The following SDK1 variants were observed in gnomAD, a reference collection of about 807,000 sequenced individuals.
The protein encoded by SDK1 is sidekick cell adhesion molecule 1.
In SDK1, 157 loss-of-function variants were observed where a neutral mutation model predicts 245.5. The ratio of observed to expected loss-of-function variants is 0.64; its 90% CI spans 0.56 to 0.73. The LOEUF (loss-of-function observed/expected upper bound fraction) is 0.73, where lower values mean the gene tolerates loss of function less well. Among genes scored for constraint, SDK1 ranks in the 30% least tolerant of loss-of-function variants. The pLI is 0.00. For synonymous variants in SDK1, 1,647 were observed against 1,278.5 expected (o/e 1.29, Z -6.15); for missense variants, 3,583 against 3,002.3 (o/e 1.19, Z -4.52).
chr7:3,406,995 C>G (rs1321442501), intron 1 of SDK1, among the ~76,000 whole-genome samples: 2 of 152,048 alleles, frequency 1.3e-5, no homozygotes, highest in African/African-American at 4.8e-5. Context: ...GGATGAGGCA[C>G]AGAGAATTGG....
intron 13 of SDK1, among the ~76,000 whole-genome samples, chr7:3,978,628 C>A (rs1783152923): frequency 6.6e-6 from 1 of 152,110 alleles, no homozygotes; most frequent in Non-Finnish European, 1.5e-5. Flanking sequence ...CTTGACTCTA[C>A]AACAATAATG....
chr7:3,842,752 C>G (rs1048044332), intron 5 of SDK1, among the ~76,000 whole-genome samples: 1 of 152,076 alleles, frequency 6.6e-6, no homozygotes, highest in East Asian at 1.9e-4. Context: ...CTCCTTTTCT[C>G]CCTCACTTCT....
chr7:3,916,161 G>A (rs956796442), intron 5 of SDK1, among the ~76,000 whole-genome samples: 28 of 152,332 alleles, frequency 1.8e-4, no homozygotes, highest in South Asian at 4.1e-4. Context: ...GGGAAAGAGG[G>A]AGGGAGAGGA....
intron 14 of SDK1, among the ~76,000 whole-genome samples, chr7:3,995,077 T>G (rs1784601708): frequency 6.6e-6 from 1 of 152,198 alleles, no homozygotes; most frequent in Non-Finnish European, 1.5e-5. Context: ...GATTCTAGGC[T>G]TCTTAGCATG....
intron 25 of SDK1, among the ~76,000 whole-genome samples, chr7:4,115,191 G>A (rs1039833923): frequency 1.3e-5 from 2 of 152,220 alleles, no homozygotes; most frequent in Admixed American, 6.5e-5. Context: ...ATCTGAATTA[G>A]TGAGGTTCTG....
chr7:3,441,768 A>T (rs1425884803), intron 1 of SDK1, among the ~76,000 whole-genome samples: 8 of 152,202 alleles, frequency 5.3e-5, no homozygotes, highest in Admixed American at 5.2e-4. Flanking sequence ...TCTTAACAAC[A>T]TCGAGTCATT....
chr7:4,192,465 C>G (rs1783264664), intron 35 of SDK1, among the ~76,000 whole-genome samples: 1 of 152,124 alleles, frequency 6.6e-6, no homozygotes, highest in African/African-American at 2.4e-5. Flanking sequence ...TTAGTAGAGA[C>G]AGGGTTTCAC....
At chr7:3,847,639 TGC>T (rs1780313160) in intron 5 of SDK1, among the ~76,000 whole-genome samples, 1 of 152,246 alleles carries the variant, frequency 6.6e-6, no homozygotes, top group Non-Finnish European at 1.5e-5. Context: ...CAGATGTTTT[TGC>T]TACTGTTTAT....
At chr7:3,932,594 G>A (rs1780015928) in intron 5 of SDK1, among the ~76,000 whole-genome samples, 2 of 152,290 alleles carry the variant, frequency 1.3e-5, no homozygotes, top group African/African-American at 4.8e-5. Flanking sequence ...TTCCTGATTT[G>A]TTTGTACCTC....
intron 22 of SDK1, among the ~76,000 whole-genome samples, chr7:4,080,432 A>G (rs1780982841): frequency 6.6e-6 from 1 of 152,170 alleles, no homozygotes; most frequent in Non-Finnish European, 1.5e-5. Context: ...CAAAATAGTT[A>G]TTATCTGTAG....
At position 3,301,478 on chromosome 7, in the gene SDK1, C is replaced by A; in HGVS notation, c.-109C>A. On this transcript the variant is annotated 5_prime_UTR_variant, in exon 1 of 45. Transcript: ENST00000404826. ...GCGCTGGGCGGCCGCTCACCTCGGG[C>A]CGGGGGGCGCCGCGCCTCCCGCGGA... The A allele has an allele frequency of 3.9e-6, 1 of 256,922 alleles. No individual in the cohort carries two copies. The highest frequency in any genetic ancestry group is 6.0e-6 in the Non-Finnish European group (1 of 167,018). The allele number at this position is 256,922 out of a possible 1,614,324, so 15.9% of individuals were successfully genotyped here.
intron 1 of SDK1, among the ~76,000 whole-genome samples, chr7:3,429,663 C>G (rs1262135204): frequency 6.7e-6 from 1 of 150,140 alleles, no homozygotes. Context: ...GTGGCACAAT[C>G]TCAGTTTACT....
At chr7:3,683,979 C>T (rs1430518462) in intron 4 of SDK1, among the ~76,000 whole-genome samples, 2 of 152,170 alleles carry the variant, frequency 1.3e-5, no homozygotes, top group African/African-American at 4.8e-5. Flanking sequence ...ATCACCTGGC[C>T]CTCCAGCTGG....
At position 3,967,300 on chromosome 7, in the gene SDK1, A is replaced by C; in HGVS notation, c.1430-18A>C. The C allele has an allele frequency of 6.3e-7, 1 of 1,593,822 alleles. No individual in the cohort carries two copies. Among genetic ancestry groups the C allele is most frequent in the Non-Finnish European group, 8.6e-7 (1 of 1,161,592 alleles). ...TCAGGAACAAGGCCCTGATCATTTC[A>C]TTTACTCCTCTTCTCAGATATCGCT... On this transcript the variant is annotated intron_variant, in intron 9 of 44. Coordinates refer to ENST00000404826, the MANE Select transcript of SDK1 (RefSeq NM_152744.4).
chr7:3,634,196 T>C (rs924195731), intron 2 of SDK1, among the ~76,000 whole-genome samples: 3 of 152,044 alleles, frequency 2.0e-5, no homozygotes, highest in Non-Finnish European at 4.4e-5. Flanking sequence ...CAAAAGCTCA[T>C]AGGGTGGCAG....
At chr7:4,191,075 G>A (rs1378841123) in intron 35 of SDK1, among the ~76,000 whole-genome samples, 1 of 152,210 alleles carries the variant, frequency 6.6e-6, no homozygotes, top group East Asian at 1.9e-4. Context: ...CCACCCTTCA[G>A]GGGATCCCTG....
At chr7:3,793,729 C>G (rs905904474) in intron 4 of SDK1, among the ~76,000 whole-genome samples, 3 of 151,964 alleles carry the variant, frequency 2.0e-5, no homozygotes, top group African/African-American at 7.2e-5. Flanking sequence ...ATGCAGTGTC[C>G]ACATTCACAG....
chr7:3,759,137 C>G lies in SDK1; in HGVS notation c.714-62313C>G, dbSNP rs141677526. ...TTACCAACCAAAATACAGGCTTTAC[C>G]TATGGCTCATTTTTCCTTTATCCTG... On this transcript the variant is annotated intron_variant, in intron 4 of 44. Transcript: ENST00000404826. Among the ~76,000 whole-genome samples, 570 of 152,326 alleles carry G rather than the reference C, an allele frequency of 3.7e-3. 3 individuals are homozygous for G. The highest frequency in any genetic ancestry group is 0.012 in the African/African-American group (497 of 41,568).
chr7:3,753,350 A>G lies in SDK1; in HGVS notation c.714-68100A>G, dbSNP rs188975353. ...TCAAGAAAAAGCTAAAAACATCACC[A>G]TCAGTATTAGAGATGCAAGCATGCA... On this transcript the variant is annotated intron_variant, in intron 4 of 44. Coordinates refer to ENST00000404826, the MANE Select transcript of SDK1 (RefSeq NM_152744.4). 2.5e-3 allele frequency among the ~76,000 whole-genome samples: 378 copies of G among 152,308 alleles called. 4 individuals carry two copies. The highest frequency in any genetic ancestry group is 1.6e-3 in the Non-Finnish European group (108 of 68,026).
Sources: allele counts gnomAD v4.1 joint callset (sites outside exome capture counted in the v4.1 genomes callset), GRCh38; gene constraint gnomAD v4.1.1; transcripts MANE v1.5; gene names NCBI Gene and HGNC (gene_info 2026-07-23, HGNC 2026-07-21).